The following TRAF5 variants were observed in gnomAD, a reference collection of about 807,000 sequenced individuals.
TRAF5 encodes TNF receptor-associated factor 5.
A neutral mutation model predicts 64.5 loss-of-function variants in TRAF5; 48 were observed. The observed-to-expected ratio is 0.74, with a 90% CI of 0.59 to 0.95. The LOEUF is 0.95. Among genes scored for constraint, TRAF5 ranks in the 40% least tolerant of loss-of-function variants. The pLI, the probability that TRAF5 is intolerant of heterozygous loss-of-function variation, is 0.00. For missense variants in TRAF5, 545 were observed against 662.8 expected, an observed-to-expected ratio of 0.82 and a Z score of 1.95; for synonymous variants, 206 against 240.5, an observed-to-expected ratio of 0.86 and a Z score of 1.33.
intron 7 of TRAF5, among the ~76,000 whole-genome samples, chr1:211,364,487 C>T (rs1703283804): frequency 6.6e-6 from 1 of 151,926 alleles, no homozygotes; most frequent in African/African-American, 2.4e-5. Flanking sequence ...GAGTTCGAGA[C>T]CAGCCTGAGC....
chr1:211,335,790 T>C (rs1419462234), intron 1 of TRAF5, among the ~76,000 whole-genome samples: 3 of 152,114 alleles, frequency 2.0e-5, no homozygotes, highest in Non-Finnish European at 4.4e-5. Flanking sequence ...AAAGGTTCTC[T>C]GTTCATATGA....
At chr1:211,363,009 A>G (rs1371922400) in intron 7 of TRAF5, among the ~76,000 whole-genome samples, 1 of 150,190 alleles carries the variant, frequency 6.7e-6, no homozygotes, top group Non-Finnish European at 1.5e-5. Flanking sequence ...GATAAATGTA[A>G]GAAAAGATGC....
At chr1:211,349,138 T>C (rs1702705933) in intron 1 of TRAF5, among the ~76,000 whole-genome samples, 1 of 151,234 alleles carries the variant, frequency 6.6e-6, no homozygotes, top group Non-Finnish European at 1.5e-5. Flanking sequence ...AGCCCAGGAG[T>C]TGGAGGTTAC....
chr1:211,363,514 T>G (rs1306707912), intron 7 of TRAF5, among the ~76,000 whole-genome samples: 1 of 152,232 alleles, frequency 6.6e-6, no homozygotes, highest in Non-Finnish European at 1.5e-5. Flanking sequence ...GGCCTTTTAC[T>G]TTTTATTCTT....
At chr1:211,351,031 C>CTTTTTTTT (rs11426853) in intron 1 of TRAF5, among the ~76,000 whole-genome samples, 1 of 116,038 alleles carries the variant, frequency 8.6e-6, no homozygotes, top group Non-Finnish European at 1.7e-5. Context: ...CTGGCCTCTT[C>CTTTTTTTT]TTTTTTTTTT....
chr1:211,345,498 G>T (rs945497515), intron 1 of TRAF5, among the ~76,000 whole-genome samples: 1 of 152,090 alleles, frequency 6.6e-6, no homozygotes, highest in African/African-American at 2.4e-5. Flanking sequence ...ACCCACCGAG[G>T]GCATGGATTC....
intron 1 of TRAF5, among the ~76,000 whole-genome samples, chr1:211,335,454 AAAT>A (rs1448270498): frequency 6.6e-6 from 1 of 152,214 alleles, no homozygotes; most frequent in African/African-American, 2.4e-5. Context: ...GCACCTTGAA[AAAT>A]ATAAGACACA....
rs556376817 is a variant in TRAF5, at chr1:211,360,782, A to G, written c.621+3A>G. The stretch of plus-strand genomic sequence containing the variant: ...CGAAGATTATTCTAAAAACTGAGGT[A>G]ACTGCAAATAATCCTCTCTGTAGAT... On this transcript the variant is annotated splice_donor_region_variant and intron_variant, in intron 6 of 10. Transcript: ENST00000261464. 1 of 1,608,978 alleles carries G rather than the reference A, an allele frequency of 6.2e-7. No homozygotes were observed. Among genetic ancestry groups the G allele is most frequent in the South Asian group, 1.1e-5 (1 of 90,962 alleles).
chr1:211,352,440 C>G (rs151160238), intron 1 of TRAF5, among the ~76,000 whole-genome samples: 1 of 87,088 alleles, frequency 1.1e-5, no homozygotes, highest in South Asian at 4.1e-4. Context: ...GTCACTGTCT[C>G]TAAAAAAAAA....
chr1:211,346,038 T>C (rs1218412964), intron 1 of TRAF5, among the ~76,000 whole-genome samples: 1 of 152,250 alleles, frequency 6.6e-6, no homozygotes, highest in African/African-American at 2.4e-5. Flanking sequence ...TTAATTCCAC[T>C]TCAGCTACAG....
chr1:211,370,259 A>C (rs1248228623), intron 9 of TRAF5, among the ~76,000 whole-genome samples: 1 of 152,188 alleles, frequency 6.6e-6, no homozygotes, highest in African/African-American at 2.4e-5. Context: ...TCATGATTAT[A>C]AAATTTATAG....
At chr1:211,367,681 C>T (rs894200888) in intron 8 of TRAF5, among the ~76,000 whole-genome samples, 3 of 151,948 alleles carry the variant, frequency 2.0e-5, no homozygotes, top group African/African-American at 7.3e-5. Context: ...AAAACTGGAG[C>T]ATGTTAGAGG....
At chr1:211,326,779 C>T, upstream of TRAF5, 6 of 984,660 alleles carry the variant, frequency 6.1e-6, no homozygotes, top group Non-Finnish European at 7.2e-6. This position sits in a 1 kb window ranked among gnomAD's most constrained non-coding sequence, Gnocchi z 5.0. Flanking sequence ...CCGCCCGCGC[C>T]CCGGCCCCGC....
At chr1:211,366,719 G>C (rs1241525810) in intron 8 of TRAF5, among the ~76,000 whole-genome samples, 2 of 152,172 alleles carry the variant, frequency 1.3e-5, no homozygotes, top group Non-Finnish European at 2.9e-5. Context: ...AAGGAAATGG[G>C]GTTTTAGGAT....
chr1:211,374,681 TTCA>T lies in TRAF5; in HGVS notation c.*1984_*1986del, dbSNP rs1341883360. 1 of 152,238 alleles carries T rather than the reference TTCA, an allele frequency of 6.6e-6. No individual in the cohort carries two copies. The highest frequency in any genetic ancestry group is 1.5e-5 in the Non-Finnish European group (1 of 68,034). 9.4% of individuals were successfully genotyped at this position (152,238 alleles called of 1,614,324 possible). The stretch of plus-strand genomic sequence containing the variant: ...GTGCTCTGTATGTTTGTTTTTAATA[TTCA>T]TCATATCCAAGTTCACTCTGTCTTC... On this transcript the variant is annotated 3_prime_UTR_variant, in exon 11 of 11. Coordinates refer to ENST00000261464, the MANE Select transcript of TRAF5 (RefSeq NM_001033910.3).
chr1:211,371,051 A>T (rs1703505650), intron 9 of TRAF5, among the ~76,000 whole-genome samples: 1 of 152,208 alleles, frequency 6.6e-6, no homozygotes, highest in African/African-American at 2.4e-5. Flanking sequence ...AAACAGAGGG[A>T]GGATAAAAAT....
At chr1:211,368,482 A>T (rs957385898) in intron 8 of TRAF5, among the ~76,000 whole-genome samples, 8 of 152,176 alleles carry the variant, frequency 5.3e-5, no homozygotes, top group Non-Finnish European at 1.5e-5. Context: ...TCCAGCTCCC[A>T]TGGAACTTAT....
At chr1:211,345,457 A>G (rs1702577426) in intron 1 of TRAF5, among the ~76,000 whole-genome samples, 1 of 151,684 alleles carries the variant, frequency 6.6e-6, no homozygotes, top group Non-Finnish European at 1.5e-5. Context: ...CTTGAGAGAG[A>G]ACTGCCGATC....
chr1:211,367,878 A>G (rs964805046), intron 8 of TRAF5, among the ~76,000 whole-genome samples: 2 of 152,236 alleles, frequency 1.3e-5, no homozygotes, highest in African/African-American at 4.8e-5. Context: ...GGCTCTAAGG[A>G]TAAAGAAATA....
Sources: allele counts gnomAD v4.1 joint callset (sites outside exome capture counted in the v4.1 genomes callset), GRCh38; gene constraint gnomAD v4.1.1; non-coding constraint Gnocchi (gnomAD v3.1); transcripts MANE v1.5; gene names NCBI Gene and HGNC (gene_info 2026-07-23, HGNC 2026-07-21).